PRKCH: variants seen among roughly 807,000 people sequenced by gnomAD.
The protein encoded by PRKCH is protein kinase C eta.
In PRKCH, 28 loss-of-function variants were observed where a neutral mutation model predicts 82.5. The ratio of observed to expected loss-of-function variants is 0.34; its 90% CI spans 0.25 to 0.47. The LOEUF (loss-of-function observed/expected upper bound fraction) is 0.47. PRKCH is among the 20% of genes least tolerant of loss of function. The pLI, the probability that PRKCH is intolerant of heterozygous loss-of-function variation, is 1.00. For synonymous variants in PRKCH, 322 were observed against 327.4 expected (o/e 0.98, Z 0.18); for missense variants, 705 against 881.8 (o/e 0.80, Z 2.54).
chr14:61,410,347 G>T (rs909295536), intron 2 of PRKCH, among the ~76,000 whole-genome samples: 1 of 152,172 alleles, frequency 6.6e-6, no homozygotes, highest in Admixed American at 6.5e-5. Flanking sequence ...GGGAGCATGT[G>T]TTGACAAACC....
At position 61,417,792 on chromosome 14, in the gene PRKCH, A is replaced by G. The variant is rs3783806; in HGVS notation, c.428-25319A>G. 0.015 allele frequency among the ~76,000 whole-genome samples: 2,321 copies of G among 152,306 alleles called. 76 individuals are homozygous for G. In the East Asian group the frequency reaches 0.16, roughly 10 times the overall value. ...GAGCCTGTAGTGTGATTGAATCTCTATCTGACAAGGCTTAACAGTCTAAAT... is the reference window on the plus strand; with the variant it reads ...GAGCCTGTAGTGTGATTGAATCTCTGTCTGACAAGGCTTAACAGTCTAAAT... On this transcript the variant is annotated intron_variant, in intron 2 of 13. Coordinates refer to ENST00000332981, the MANE Select transcript of PRKCH (RefSeq NM_006255.5).
chr14:61,240,729 G>T (rs1369319795), intron 1 of PRKCH, among the ~76,000 whole-genome samples: 1 of 150,696 alleles, frequency 6.6e-6, no homozygotes, highest in Admixed American at 6.7e-5. Context: ...GGTCACCTGA[G>T]AATCATATTT....
intron 1 of PRKCH, among the ~76,000 whole-genome samples, chr14:61,233,621 C>G (rs2044762576): frequency 2.0e-5 from 3 of 152,184 alleles, no homozygotes; most frequent in Non-Finnish European, 4.4e-5. Flanking sequence ...TGGGAGACAC[C>G]TGCTGGGAAG....
rs1566781729 is a variant in PRKCH, at chr14:61,210,154, ATATATAT to A, written c.-19+22487_-19+22493del. Among the ~76,000 whole-genome samples the A allele has an allele frequency of 2.5e-3, 247 of 97,450 alleles. 7 individuals carry two copies. Among genetic ancestry groups the A allele is most frequent in the African/African-American group, 3.8e-3 (94 of 24,446 alleles). The allele number at this position is 97,450 out of a possible 152,430, so 63.9% of individuals were successfully genotyped here. On this transcript the variant is annotated intron_variant, in intron 1 of 3. Coordinates refer to the PRKCH transcript ENST00000555185. ...TATATATATATATATATATATATAT[ATATATAT>A]AAATTAGCTTGGCATAGTGGCAGGC...
At chr14:61,189,719 G>T (rs1410653157) in intron 1 of PRKCH, among the ~76,000 whole-genome samples, 1 of 147,922 alleles carries the variant, frequency 6.8e-6, no homozygotes, top group Non-Finnish European at 1.5e-5. Context: ...TTTTTAACCT[G>T]TTGCTTTCTT....
intron 2 of PRKCH, among the ~76,000 whole-genome samples, chr14:61,408,630 T>A (rs1882094073): frequency 6.6e-6 from 1 of 152,188 alleles, no homozygotes. Context: ...AAAGGTTACA[T>A]GAGCTTATGC....
At chr14:61,474,044 G>T (rs1594745038) in intron 9 of PRKCH, among the ~76,000 whole-genome samples, 1 of 151,984 alleles carries the variant, frequency 6.6e-6, no homozygotes, top group East Asian at 1.9e-4. Flanking sequence ...AGAGAGAGAA[G>T]AGAGGAGACT....
rs776566697 is a variant in PRKCH, at chr14:61,457,169, C to T, written c.961-7C>T. The T allele has an allele frequency of 6.2e-6, 10 of 1,613,544 alleles. No homozygotes were observed. The African/African-American group carries it at 1.2e-4, about 19-fold the overall frequency. The stretch of plus-strand genomic sequence containing the variant: ...ATTTCTGACTTAATGTGTTCTTACT[C>T]TTTCAGAAACTCGTTTCCAGATCGA... On this transcript the variant is annotated splice_region_variant and splice_polypyrimidine_tract_variant and intron_variant, in intron 7 of 13. Coordinates refer to ENST00000332981, the MANE Select transcript of PRKCH (RefSeq NM_006255.5).
At chr14:61,376,331 A>G (rs2025523) in intron 1 of PRKCH, among the ~76,000 whole-genome samples, 1,887 of 152,130 alleles carry the variant, frequency 0.012, 26 homozygotes, top group African/African-American at 0.039. Context: ...TTGTTCCTTG[A>G]GGGTCAGTCA....
chr14:61,394,188 T>C (rs1387407096), intron 2 of PRKCH, among the ~76,000 whole-genome samples: 2 of 152,222 alleles, frequency 1.3e-5, no homozygotes, highest in Admixed American at 6.5e-5. Context: ...GTTAAAGTTT[T>C]TCAATATATC....
intron 1 of PRKCH, among the ~76,000 whole-genome samples, chr14:61,329,300 G>C (rs940652239): frequency 1.2e-3 from 142 of 121,754 alleles, no homozygotes; most frequent in African/African-American, 4.1e-3. Flanking sequence ...ACAGTGGCAC[G>C]ATCTCGGCTC....
At chr14:61,415,368 C>T (rs1196913263) in intron 2 of PRKCH, among the ~76,000 whole-genome samples, 1 of 152,232 alleles carries the variant, frequency 6.6e-6, no homozygotes, top group East Asian at 1.9e-4. Context: ...GGTCCCCCTA[C>T]CCCCCATCTC....
At chr14:61,368,519 C>A (rs2046327227) in intron 1 of PRKCH, among the ~76,000 whole-genome samples, 1 of 152,042 alleles carries the variant, frequency 6.6e-6, no homozygotes, top group Non-Finnish European at 1.5e-5. Context: ...ACAGGCTCTG[C>A]AGAGTTGCTG....
intron 1 of PRKCH, among the ~76,000 whole-genome samples, chr14:61,190,266 GA>G (rs1226105500): frequency 2.0e-5 from 3 of 152,142 alleles, no homozygotes; most frequent in African/African-American, 7.2e-5. Context: ...AACCCTTTAA[GA>G]AAAGTTTGGT....
chr14:61,257,432 C>G (rs1458049067), intron 1 of PRKCH, among the ~76,000 whole-genome samples: 2 of 151,902 alleles, frequency 1.3e-5, no homozygotes, highest in Non-Finnish European at 2.9e-5. Context: ...ACTTAGAGAC[C>G]CCTATTTGTT....
At chr14:61,225,032 A>G (rs562988170) in intron 1 of PRKCH, among the ~76,000 whole-genome samples, 1 of 152,220 alleles carries the variant, frequency 6.6e-6, no homozygotes, top group Admixed American at 6.5e-5. Flanking sequence ...CATTTTAATT[A>G]TGTCTCCTAC....
intron 1 of PRKCH, among the ~76,000 whole-genome samples, chr14:61,191,713 G>A (rs544684897): frequency 3.4e-4 from 52 of 152,098 alleles, no homozygotes; most frequent in African/African-American, 1.2e-3. Flanking sequence ...AATTTTTCAC[G>A]TCTCAACTTA....
chr14:61,290,795 T>C (rs946677246), intron 1 of PRKCH, among the ~76,000 whole-genome samples: 4 of 152,086 alleles, frequency 2.6e-5, no homozygotes, highest in Non-Finnish European at 5.9e-5. Context: ...CTTCAGTTAA[T>C]AGGGTTGCTT....
intron 10 of PRKCH, among the ~76,000 whole-genome samples, chr14:61,513,332 G>A (rs1322393676): frequency 6.6e-6 from 1 of 152,180 alleles, no homozygotes; most frequent in Non-Finnish European, 1.5e-5. Context: ...GCTGAAATAA[G>A]CATGGAGAAG....
Sources: gnomAD v4.1 joint callset for allele counts (sites outside exome capture counted in the v4.1 genomes callset) on GRCh38, gnomAD v4.1.1 for gene constraint, MANE v1.5 for transcripts, NCBI Gene and HGNC (gene_info 2026-07-23, HGNC 2026-07-21) for gene names.